Variants in NCAM2 observed in about 807,000 individuals in gnomAD.
NCAM2 encodes N-CAM-2.
Under a neutral mutation model 98.1 loss-of-function variants are expected in NCAM2, and 30 were observed. The observed-to-expected ratio is 0.31, with a 90% confidence interval of 0.23 to 0.41. The LOEUF is 0.41. NCAM2 is among the 10% of genes least tolerant of loss of function. The pLI, the probability that NCAM2 is intolerant of heterozygous loss-of-function variation, is 1.00. For missense variants in NCAM2, 867 were observed against 1,005.8 expected, an observed-to-expected ratio of 0.86 and a Z score of 1.87; for synonymous variants, 368 against 342.4, an observed-to-expected ratio of 1.07 and a Z score of -0.83.
intron 1 of NCAM2, among the ~76,000 whole-genome samples, chr21:21,152,382 A>T (rs1205427947): frequency 6.7e-6 from 1 of 149,572 alleles, no homozygotes; most frequent in Non-Finnish European, 1.5e-5. Context: ...ATTTCTGTGG[A>T]TATATTTTCT....
intron 5 of NCAM2, among the ~76,000 whole-genome samples, chr21:21,298,263 CTT>C (rs1447112986): frequency 6.6e-6 from 1 of 151,652 alleles, no homozygotes; most frequent in East Asian, 1.9e-4. Context: ...GAATTTGTCT[CTT>C]GTAGTTGAAT....
intron 9 of NCAM2, among the ~76,000 whole-genome samples, chr21:21,391,802 C>A (rs1233461038): frequency 1.5e-5 from 1 of 68,366 alleles, no homozygotes; most frequent in African/African-American, 6.0e-5. Flanking sequence ...TGAAACATTG[C>A]TGGTTAGGTA....
At chr21:21,246,487 A>G (rs2071276856) in intron 1 of NCAM2, among the ~76,000 whole-genome samples, 1 of 152,224 alleles carries the variant, frequency 6.6e-6, no homozygotes. Flanking sequence ...GCATACAAAG[A>G]GATATGTTAT....
chr21:21,031,052 T>C (rs1441988756), intron 1 of NCAM2, among the ~76,000 whole-genome samples: 1 of 152,184 alleles, frequency 6.6e-6, no homozygotes, highest in Non-Finnish European at 1.5e-5. Flanking sequence ...AAGAAATACT[T>C]GAACTGCATA....
rs115593620 is a variant in NCAM2, at chr21:21,299,651, A to G, written c.619+7410A>G. Among the ~76,000 whole-genome samples, 877 of 149,752 alleles carry G rather than the reference A, an allele frequency of 5.9e-3. 10 individuals are homozygous for G. Among genetic ancestry groups the G allele is most frequent in the African/African-American group, 0.02 (820 of 40,838 alleles). On this transcript the variant is annotated intron_variant, in intron 5 of 17. Transcript: ENST00000400546. Reference sequence around the variant, plus strand: ...GATTGCTATTTGTCTTATAAAACTTAGTCCAAGCATCATTTCTAGAACTAG... The same window carrying G: ...GATTGCTATTTGTCTTATAAAACTTGGTCCAAGCATCATTTCTAGAACTAG...
intron 1 of NCAM2, among the ~76,000 whole-genome samples, chr21:21,152,331 G>A (rs1162701077): frequency 6.6e-6 from 1 of 151,540 alleles, no homozygotes; most frequent in Non-Finnish European, 1.5e-5. Flanking sequence ...TCAAATCCTC[G>A]AATATATATG....
intron 1 of NCAM2, among the ~76,000 whole-genome samples, chr21:21,086,442 A>G (rs532046896): frequency 1.3e-5 from 2 of 152,302 alleles, no homozygotes; most frequent in South Asian, 2.1e-4. Context: ...AAGGGACTAT[A>G]TGATTGGCAG....
At chr21:21,094,909 A>G (rs889946631) in intron 1 of NCAM2, among the ~76,000 whole-genome samples, 1 of 151,826 alleles carries the variant, frequency 6.6e-6, no homozygotes, top group Non-Finnish European at 1.5e-5. Context: ...ATTGGTATAT[A>G]TTAAAAGCAT....
intron 16 of NCAM2, among the ~76,000 whole-genome samples, chr21:21,520,274 A>C (rs1169786687): frequency 1.3e-5 from 2 of 152,112 alleles, no homozygotes; most frequent in Admixed American, 6.6e-5. Context: ...CCACATTTTA[A>C]TTTAAAAAAA....
chr21:21,361,759 A>G (rs2075652069), intron 8 of NCAM2, among the ~76,000 whole-genome samples: 3 of 152,140 alleles, frequency 2.0e-5, no homozygotes, highest in Admixed American at 6.6e-5. Flanking sequence ...ATTCAGTTCA[A>G]TACTGTACTT....
intron 1 of NCAM2, among the ~76,000 whole-genome samples, chr21:21,017,424 CAAAAA>C (rs11461275): frequency 1.7e-5 from 1 of 58,780 alleles, no homozygotes; most frequent in African/African-American, 7.6e-5. Context: ...GACTCTGTCT[CAAAAA>C]AAAAAAAAAA....
At chr21:21,216,743 C>T (rs946198434) in intron 1 of NCAM2, among the ~76,000 whole-genome samples, 1 of 152,182 alleles carries the variant, frequency 6.6e-6, no homozygotes, top group African/African-American at 2.4e-5. Context: ...TCTTTCAATA[C>T]ATGACCTTGG....
intron 1 of NCAM2, among the ~76,000 whole-genome samples, chr21:21,066,561 A>G (rs376630834): frequency 3.4e-4 from 52 of 152,278 alleles, no homozygotes; most frequent in South Asian, 1.9e-3. Context: ...ATCTTTTGAC[A>G]TGCTACTATT....
chr21:21,174,868 G>C (rs1329599124), intron 1 of NCAM2, among the ~76,000 whole-genome samples: 1 of 151,886 alleles, frequency 6.6e-6, no homozygotes, highest in Non-Finnish European at 1.5e-5. Context: ...GAGGAGTGAA[G>C]ATAAAGAATG....
intron 9 of NCAM2, among the ~76,000 whole-genome samples, chr21:21,409,008 T>TCCTTGTCC (rs879720597): frequency 0.11 from 17,045 of 150,218 alleles, 1,243 homozygotes; most frequent in Middle Eastern, 0.2. Flanking sequence ...TATTTAAAAG[T>TCCTTGTCC]TAAATGACTT....
chr21:21,513,025 TAAG>T (rs1156861055), intron 16 of NCAM2, among the ~76,000 whole-genome samples: 2 of 152,038 alleles, frequency 1.3e-5, no homozygotes, highest in Non-Finnish European at 2.9e-5. Flanking sequence ...TCTGTCATCA[TAAG>T]AAGGATTATT....
intron 8 of NCAM2, among the ~76,000 whole-genome samples, chr21:21,365,089 G>C (rs1310721291): frequency 6.6e-6 from 1 of 152,104 alleles, no homozygotes; most frequent in Non-Finnish European, 1.5e-5. Flanking sequence ...TCTGAGTTTG[G>C]GTGACAACGT....
intron 1 of NCAM2, among the ~76,000 whole-genome samples, chr21:21,100,407 G>A (rs1445815100): frequency 1.3e-5 from 2 of 151,904 alleles, no homozygotes; most frequent in East Asian, 3.9e-4. Context: ...GCCAAGATAA[G>A]GCATATCTTT....
intron 1 of NCAM2, among the ~76,000 whole-genome samples, chr21:21,065,050 C>G (rs1393243118): frequency 6.6e-6 from 1 of 151,894 alleles, no homozygotes; most frequent in Non-Finnish European, 1.5e-5. Flanking sequence ...CCTGATAGTG[C>G]AAGCCTATAA....
Sources: allele counts gnomAD v4.1 joint callset (sites outside exome capture counted in the v4.1 genomes callset), GRCh38; gene constraint gnomAD v4.1.1; transcripts MANE v1.5; gene names NCBI Gene and HGNC (gene_info 2026-07-23, HGNC 2026-07-21).